TOMM20L: variants seen among roughly 807,000 people sequenced by gnomAD.
The protein encoded by TOMM20L is translocase of outer mitochondrial membrane 20 like, also known as TOMM20-like protein 1.
Under a neutral mutation model 20.4 loss-of-function variants are expected in TOMM20L, and 19 were observed. The ratio of observed to expected loss-of-function variants is 0.93; its 90% CI spans 0.65 to 1.36. TOMM20L has a LOEUF of 1.36. Ranked by LOEUF, TOMM20L falls within the 40% of genes most tolerant of loss-of-function variation. The pLI, the probability that TOMM20L is intolerant of heterozygous loss-of-function variation, is 0.00. For missense variants in TOMM20L, 218 were observed against 203.7 expected (o/e 1.07, Z -0.43); for synonymous variants, 75 against 79.6 (o/e 0.94, Z 0.30).
chr14:58,405,539 A>G (rs1309315955), intron 3 of TOMM20L, among the ~76,000 whole-genome samples: 1 of 152,098 alleles, frequency 6.6e-6, no homozygotes, highest in East Asian at 1.9e-4. Flanking sequence ...TTTTGGGGAC[A>G]GTGTCTCACT....
chr14:58,416,102 C>T, the TOMM20L span, among the ~76,000 whole-genome samples: 1 of 151,504 alleles, frequency 6.6e-6, no homozygotes, highest in East Asian at 1.9e-4. Context: ...GTGGCACACA[C>T]CTGTAATCCC....
chr14:58,415,455 G>A, the TOMM20L span, among the ~76,000 whole-genome samples: 2 of 152,178 alleles, frequency 1.3e-5, no homozygotes, highest in African/African-American at 4.8e-5. Flanking sequence ...ATACTTCAGT[G>A]AGCAATTATG....
chr14:58,401,022 C>A (rs2035986732), intron 2 of TOMM20L, among the ~76,000 whole-genome samples: 1 of 152,184 alleles, frequency 6.6e-6, no homozygotes, highest in Admixed American at 6.5e-5. Context: ...TTCTGAGAAG[C>A]CTTTGACAAT....
the TOMM20L span, among the ~76,000 whole-genome samples, chr14:58,414,014 A>G: frequency 7.1e-6 from 1 of 141,294 alleles, no homozygotes; most frequent in African/African-American, 2.6e-5. Context: ...CTCAGAAAAA[A>G]AAAAAAAAAA....
intron 2 of TOMM20L, among the ~76,000 whole-genome samples, chr14:58,402,455 A>G (rs2036003827): frequency 6.6e-6 from 1 of 151,822 alleles, no homozygotes; most frequent in South Asian, 2.1e-4. Context: ...CACCTGGCTA[A>G]TTTTGTATTT....
In TOMM20L at chr14:58,396,087, CGGGACAGTGAGT is replaced by C. The variant is rs1163696249; in HGVS notation, c.136_136+11del. ...GGACCCCGCGTTCAAGCGCCGCCTGCGGGACAGTGAGTGGGACCGAGGCGGAGGCGCGGCCGG... is the reference window on the plus strand; with the variant it reads ...GGACCCCGCGTTCAAGCGCCGCCTGCGGGACCGAGGCGGAGGCGCGGCCGG... On this transcript the variant is annotated splice_donor_variant and splice_donor_5th_base_variant and coding_sequence_variant and intron_variant, in exon 1 of 5. Coordinates refer to ENST00000360945, the MANE Select transcript of TOMM20L (RefSeq NM_207377.3). LOFTEE classifies it high-confidence loss of function. The C allele has an allele frequency of 2.2e-6, 3 of 1,386,062 alleles. No homozygotes were observed. In the East Asian group the frequency reaches 8.6e-5, roughly 40 times the overall value. 85.9% of individuals were successfully genotyped at this position (1,386,062 alleles called of 1,614,324 possible).
the TOMM20L span, among the ~76,000 whole-genome samples, chr14:58,414,681 G>A: frequency 1.1e-3 from 160 of 147,244 alleles, 3 homozygotes; most frequent in East Asian, 7.3e-3. Flanking sequence ...AGGTTGCAGT[G>A]AGCCGAGATT....
At chr14:58,411,666 G>A (rs189675104), downstream of TOMM20L, among the ~76,000 whole-genome samples, 1 of 151,826 alleles carries the variant, frequency 6.6e-6, no homozygotes, top group Non-Finnish European at 1.5e-5. Context: ...AGCCTCCCAC[G>A]TAGCTGGGAC....
At chr14:58,404,099 G>GTGTGTATATATATATATATATATA (rs1408980666) in intron 3 of TOMM20L, among the ~76,000 whole-genome samples, 1,320 of 22,872 alleles carry the variant, frequency 0.058, 438 homozygotes, top group Middle Eastern at 0.29. Context: ...ACATATATAT[G>GTGTGTATATATATATATATATATA]TATATATATA....
downstream of TOMM20L, chr14:58,411,872 T>TG (rs778151615): frequency 6.2e-7 from 1 of 1,607,492 alleles, no homozygotes; most frequent in South Asian, 1.1e-5. Context: ...TACATTTTTT[T>TG]GCAAAATCTT....
chr14:58,403,815 G>T (rs920043156), intron 3 of TOMM20L, among the ~76,000 whole-genome samples: 2 of 151,788 alleles, frequency 1.3e-5, no homozygotes, highest in Non-Finnish European at 2.9e-5. Context: ...TCCAGCCTGG[G>T]CGACAGAGCG....
Position 58,404,702 on chromosome 14 carries a change from G to A in TOMM20L, c.262+1941G>A, listed in dbSNP as rs369674494. Among the ~76,000 whole-genome samples the A allele has an allele frequency of 5.3e-5, 8 of 152,134 alleles. 1 individual carries two copies. In the South Asian group the frequency reaches 6.2e-4, roughly 12 times the overall value. On this transcript the variant is annotated intron_variant, in intron 3 of 4. Coordinates refer to ENST00000360945, the MANE Select transcript of TOMM20L (RefSeq NM_207377.3). ...CACTGCACATTAATCACTGTAATTT[G>A]TATTTTAATTTTTCATTTAGTATTG...
intron 3 of TOMM20L, among the ~76,000 whole-genome samples, chr14:58,403,232 C>T (rs576456658): frequency 2.0e-5 from 3 of 152,282 alleles, no homozygotes; most frequent in Admixed American, 2.0e-4. Flanking sequence ...ATGGCATGTG[C>T]CTGTAGTCCC....
At chr14:58,411,219 G>A (rs138387047), downstream of TOMM20L, among the ~76,000 whole-genome samples, 8 of 152,122 alleles carry the variant, frequency 5.3e-5, no homozygotes, top group African/African-American at 1.9e-4. Context: ...AGGCCGAGGT[G>A]GGCGGATTAC....
At chr14:58,411,757 GA>G (rs1379761418), downstream of TOMM20L, 149 of 663,192 alleles carry the variant, frequency 2.2e-4, no homozygotes, top group Non-Finnish European at 2.7e-5. Flanking sequence ...GGCTGGTCTT[GA>G]ACTCCTGACT....
downstream of TOMM20L, chr14:58,410,821 T>C (rs2036191186): frequency 4.5e-6 from 7 of 1,543,944 alleles, no homozygotes; most frequent in Non-Finnish European, 5.3e-6. Flanking sequence ...TGTAGAATTT[T>C]AGTGAGTAAC....
intron 2 of TOMM20L, chr14:58,399,072 A>C (rs2035959024): frequency 6.6e-6 from 1 of 152,122 alleles, no homozygotes; most frequent in Non-Finnish European, 1.5e-5. Flanking sequence ...ACTTTTACAG[A>C]GATGGGTTTC....
intron 2 of TOMM20L, among the ~76,000 whole-genome samples, chr14:58,401,321 T>C (rs565403819): frequency 7.2e-5 from 11 of 151,966 alleles, no homozygotes; most frequent in Non-Finnish European, 1.3e-4. Flanking sequence ...CCTGTAATCC[T>C]AGCACTTTGG....
chr14:58,416,164 G>A, the TOMM20L span, among the ~76,000 whole-genome samples: 2 of 152,062 alleles, frequency 1.3e-5, no homozygotes, highest in South Asian at 4.1e-4. Context: ...GGAGGCAGAG[G>A]TTGCAGTGAG....
Sources: allele counts gnomAD v4.1 joint callset (sites outside exome capture counted in the v4.1 genomes callset), GRCh38; gene constraint gnomAD v4.1.1; transcripts MANE v1.5; gene names NCBI Gene and HGNC (gene_info 2026-07-23, HGNC 2026-07-21).